Variants in TMEM38B observed in about 807,000 individuals in gnomAD.
TMEM38B encodes the protein transmembrane protein 38B.
In TMEM38B, 24 loss-of-function variants were observed where a neutral mutation model predicts 28.7. The observed-to-expected ratio is 0.84, with a 90% CI of 0.61 to 1.18. The LOEUF is 1.18. TMEM38B is among the 50% of genes most tolerant of loss of function. The pLI is 0.00. For missense variants in TMEM38B, 380 were observed against 350.9 expected, an observed-to-expected ratio of 1.08 and a Z score of -0.66; for synonymous variants, 131 against 127.7, an observed-to-expected ratio of 1.03 and a Z score of -0.17.
chr9:105,712,379 A>T (rs529462833), intron 2 of TMEM38B, among the ~76,000 whole-genome samples: 14 of 152,276 alleles, frequency 9.2e-5, no homozygotes, highest in African/African-American at 2.9e-4. Context: ...TAAGCTTTTT[A>T]AAAAAATGGT....
chr9:105,759,409 C>G, intron 5 of TMEM38B: 1 of 1,539,524 alleles, frequency 6.5e-7, no homozygotes, highest in Non-Finnish European at 8.8e-7. Flanking sequence ...TGAGAGACTA[C>G]GGATAAGCAA....
chr9:105,732,102 C>A (rs907092455), intron 4 of TMEM38B, among the ~76,000 whole-genome samples: 3 of 152,156 alleles, frequency 2.0e-5, no homozygotes, highest in African/African-American at 7.2e-5. Context: ...GCAAAAAAGT[C>A]TTCTTTTGAG....
Position 105,776,051 on chromosome 9 carries a change from C to T in TMEM38B, c.*1971C>T, listed in dbSNP as rs865866329. On this transcript the variant is annotated 3_prime_UTR_variant, in exon 6 of 6. Coordinates refer to ENST00000374692, the MANE Select transcript of TMEM38B (RefSeq NM_018112.3). ...AAACCCATCCTGAATCTATTCAGGTCACCTGTAGAGTCTTGACTTGGATTT... is the reference window on the plus strand; with the variant it reads ...AAACCCATCCTGAATCTATTCAGGTTACCTGTAGAGTCTTGACTTGGATTT... 4 of 152,126 alleles carry T rather than the reference C, an allele frequency of 2.6e-5. No homozygotes were observed. Among genetic ancestry groups the T allele is most frequent in the South Asian group, 2.1e-4 (1 of 4,832 alleles). The allele number at this position is 152,126 out of a possible 1,614,324, so 9.4% of individuals were successfully genotyped here. A position where few individuals can be genotyped will look rare whatever the true frequency, so the allele number is the denominator to read the frequency against.
In TMEM38B at chr9:105,707,980, A is replaced by T. The variant is rs185890767; in HGVS notation, c.269+2227A>T. ...ATGTGTATAGATGCTGAAACTATAC[A>T]AAAAGGAAGATATCCAGAATTTGAT... On this transcript the variant is annotated intron_variant, in intron 2 of 5. Coordinates refer to ENST00000374692, the MANE Select transcript of TMEM38B (RefSeq NM_018112.3). 1.4e-3 allele frequency among the ~76,000 whole-genome samples: 218 copies of T among 152,324 alleles called. 1 individual carries two copies. The highest frequency in any genetic ancestry group is 4.9e-3 in the African/African-American group (204 of 41,572).
intron 5 of TMEM38B, among the ~76,000 whole-genome samples, chr9:105,752,511 A>G (rs1837689664): frequency 6.6e-6 from 1 of 152,194 alleles, no homozygotes; most frequent in Admixed American, 6.5e-5. Context: ...ATCACTGATG[A>G]TACCTCCAGG....
intron 4 of TMEM38B, 128 bp downstream of exon 4, chr9:105,722,749 A>C (rs1487850690): frequency 1.5e-6 from 1 of 659,614 alleles, no homozygotes; most frequent in East Asian, 2.9e-5. Flanking sequence ...TAGTAATGAT[A>C]ATGGGAAGAG....
At chr9:105,712,786 A>G (rs955742568) in intron 2 of TMEM38B, among the ~76,000 whole-genome samples, 4 of 152,220 alleles carry the variant, frequency 2.6e-5, no homozygotes, top group African/African-American at 9.6e-5. Context: ...CAGGGAGGGC[A>G]CAGGGAGAAG....
At chr9:105,765,669 G>T (rs2133647464) in intron 5 of TMEM38B, among the ~76,000 whole-genome samples, 1 of 152,124 alleles carries the variant, frequency 6.6e-6, no homozygotes, top group Non-Finnish European at 1.5e-5. Context: ...ACCACAATTT[G>T]TTTTTCCAGT....
At chr9:105,711,270 G>A (rs530100220) in intron 2 of TMEM38B, among the ~76,000 whole-genome samples, 1 of 151,620 alleles carries the variant, frequency 6.6e-6, no homozygotes, top group South Asian at 2.1e-4. Context: ...GTGAAACCCT[G>A]TCTCTACTAA....
chr9:105,745,051 T>G (rs1837338655), intron 4 of TMEM38B, among the ~76,000 whole-genome samples: 1 of 152,224 alleles, frequency 6.6e-6, no homozygotes, highest in African/African-American at 2.4e-5. Context: ...TAAACATATG[T>G]GTGCATGTGT....
At chr9:105,773,661 C>A (rs1037685663) in intron 5 of TMEM38B, among the ~76,000 whole-genome samples, 22 of 152,138 alleles carry the variant, frequency 1.4e-4, no homozygotes, top group African/African-American at 5.3e-4. Context: ...AAATATGGTA[C>A]CTTGTATTAT....
chr9:105,702,098 T>A (rs1229743621), intron 1 of TMEM38B, among the ~76,000 whole-genome samples: 1 of 152,160 alleles, frequency 6.6e-6, no homozygotes, highest in Non-Finnish European at 1.5e-5. Flanking sequence ...CCAAACTTGA[T>A]CTAAAACTCC....
At chr9:105,735,986 G>A (rs1293303308) in intron 4 of TMEM38B, among the ~76,000 whole-genome samples, 2 of 151,882 alleles carry the variant, frequency 1.3e-5, no homozygotes, top group African/African-American at 4.8e-5. Context: ...CCCCTCCTCA[G>A]CCTCTCAAAA....
intron 4 of TMEM38B, among the ~76,000 whole-genome samples, chr9:105,737,392 A>T (rs1444290598): frequency 2.0e-5 from 3 of 152,158 alleles, no homozygotes; most frequent in Admixed American, 2.0e-4. Flanking sequence ...GCCCTGGGGC[A>T]TGAGGCACTA....
intron 4 of TMEM38B, among the ~76,000 whole-genome samples, chr9:105,734,502 T>C (rs1836894390): frequency 6.6e-6 from 1 of 152,108 alleles, no homozygotes; most frequent in Non-Finnish European, 1.5e-5. Flanking sequence ...TTATTAATGC[T>C]TTCTCTGGTT....
intron 4 of TMEM38B, among the ~76,000 whole-genome samples, chr9:105,747,529 TCC>T (rs1837461324): frequency 1.2e-4 from 18 of 152,216 alleles, no homozygotes; most frequent in Admixed American, 7.9e-4. Flanking sequence ...AAAAAACAGC[TCC>T]TGGATTCATT....
At chr9:105,714,595 A>G (rs896036827) in intron 2 of TMEM38B, among the ~76,000 whole-genome samples, 12 of 152,252 alleles carry the variant, frequency 7.9e-5, no homozygotes, top group Admixed American at 3.3e-4. Context: ...CTTAAATAAA[A>G]TAATTATGAG....
At chr9:105,725,904 A>G (rs1042687957) in intron 4 of TMEM38B, among the ~76,000 whole-genome samples, 12 of 152,218 alleles carry the variant, frequency 7.9e-5, no homozygotes, top group Non-Finnish European at 1.6e-4. Flanking sequence ...CACTAAATGT[A>G]TAGAAAAAAT....
intron 4 of TMEM38B, among the ~76,000 whole-genome samples, chr9:105,731,235 A>G (rs1836731389): frequency 6.6e-6 from 1 of 151,868 alleles, no homozygotes; most frequent in Non-Finnish European, 1.5e-5. Context: ...CACCACTTTA[A>G]ATGTGCCCCA....
Sources: gnomAD v4.1 joint callset for allele counts (sites outside exome capture counted in the v4.1 genomes callset) on GRCh38, gnomAD v4.1.1 for gene constraint, MANE v1.5 for transcripts, NCBI Gene and HGNC (gene_info 2026-07-23, HGNC 2026-07-21) for gene names.